The following EPHB2 variants were observed in gnomAD, a reference collection of about 807,000 sequenced individuals.
EPHB2 encodes the protein EPH receptor B2, also known as ephrin type-B receptor 2.
Under a neutral mutation model 96.4 loss-of-function variants are expected in EPHB2, and 18 were observed. The ratio of observed to expected loss-of-function variants is 0.19; its 90% CI spans 0.13 to 0.28. The LOEUF is 0.28. Ranked by LOEUF, EPHB2 falls within the 10% of genes least tolerant of loss-of-function variation. The pLI, the probability that EPHB2 is intolerant of heterozygous loss-of-function variation, is 1.00. For synonymous variants in EPHB2, 506 were observed against 534.1 expected (o/e 0.95, Z 0.72); for missense variants, 989 against 1,355.4 (o/e 0.73, Z 4.25).
chr1:22,904,966 T>G (rs1639862346), intron 9 of EPHB2, among the ~76,000 whole-genome samples: 1 of 152,172 alleles, frequency 6.6e-6, no homozygotes, highest in African/African-American at 2.4e-5. Flanking sequence ...CCTCCAAATT[T>G]GCAGCTCCCG....
intron 3 of EPHB2, among the ~76,000 whole-genome samples, chr1:22,836,250 G>A (rs113734150): frequency 7.9e-5 from 12 of 152,194 alleles, no homozygotes; most frequent in Non-Finnish European, 1.6e-4. Context: ...GCACCAGGGT[G>A]GGGGAGAGCC....
intron 1 of EPHB2, among the ~76,000 whole-genome samples, chr1:22,770,799 A>G (rs925948653): frequency 1.3e-5 from 2 of 152,056 alleles, no homozygotes; most frequent in East Asian, 1.9e-4. Flanking sequence ...GAATGGATAC[A>G]TATGTGAGAT....
chr1:22,729,603 C>T (rs1047412670), intron 1 of EPHB2, among the ~76,000 whole-genome samples: 1 of 152,210 alleles, frequency 6.6e-6, no homozygotes, highest in African/African-American at 2.4e-5. Flanking sequence ...AGGGCCTTTG[C>T]ACTGCTTGGT....
At chr1:22,720,895 G>C (rs1200039082) in intron 1 of EPHB2, among the ~76,000 whole-genome samples, 1 of 152,174 alleles carries the variant, frequency 6.6e-6, no homozygotes, top group Admixed American at 6.5e-5. Context: ...GGGGCCTTGG[G>C]CTGGTGGGAT....
At chr1:22,812,848 T>C (rs1194426547) in intron 3 of EPHB2, among the ~76,000 whole-genome samples, 1 of 152,110 alleles carries the variant, frequency 6.6e-6, no homozygotes. Flanking sequence ...TTGATGAGTG[T>C]TGGTAGAATG....
intron 8 of EPHB2, 67 bp from the exon 9 acceptor site, chr1:22,896,347 C>T: frequency 6.2e-7 from 1 of 1,608,610 alleles, no homozygotes; most frequent in Non-Finnish European, 8.5e-7. Context: ...CTCCCTATCA[C>T]CTACTGTGGC....
intron 6 of EPHB2, chr1:22,891,232 A>C (rs1639378309): frequency 8.8e-6 from 4 of 455,790 alleles, no homozygotes; most frequent in South Asian, 6.2e-5. Flanking sequence ...TTGTGATCTT[A>C]ACCTCCATGC....
chr1:22,819,019 T>C (rs1193690877), intron 3 of EPHB2, among the ~76,000 whole-genome samples: 1 of 147,368 alleles, frequency 6.8e-6, no homozygotes, highest in Admixed American at 6.8e-5. Context: ...ACTTCCTGGC[T>C]CACTGGGGGC....
At chr1:22,713,172 G>GC (rs1643200517) in intron 1 of EPHB2, among the ~76,000 whole-genome samples, 1 of 152,100 alleles carries the variant, frequency 6.6e-6, no homozygotes, top group Non-Finnish European at 1.5e-5. Flanking sequence ...GCTGCAGCAG[G>GC]CACCCCAATG....
chr1:22,874,215 C>A (rs1291615134), intron 5 of EPHB2, among the ~76,000 whole-genome samples: 1 of 152,224 alleles, frequency 6.6e-6, no homozygotes, highest in Non-Finnish European at 1.5e-5. Flanking sequence ...TGGGCCAAGT[C>A]CTGTGCTAAT....
At chr1:22,739,301 C>A (rs1392812299) in intron 1 of EPHB2, among the ~76,000 whole-genome samples, 1 of 152,084 alleles carries the variant, frequency 6.6e-6, no homozygotes, top group Non-Finnish European at 1.5e-5. Context: ...CTGCAACCTC[C>A]GCCTCCCAGG....
intron 6 of EPHB2, among the ~76,000 whole-genome samples, chr1:22,887,330 C>A (rs909521090): frequency 6.6e-6 from 1 of 152,144 alleles, no homozygotes; most frequent in East Asian, 1.9e-4. Context: ...AAGTCCACAG[C>A]CGGCTGTTAC....
intron 1 of EPHB2, among the ~76,000 whole-genome samples, chr1:22,750,378 T>C (rs561989777): frequency 2.0e-5 from 3 of 152,334 alleles, no homozygotes; most frequent in Admixed American, 6.5e-5. Flanking sequence ...CTTTGCTCTC[T>C]TCTCTTTCTG....
intron 1 of EPHB2, among the ~76,000 whole-genome samples, chr1:22,737,657 A>C (rs1383166186): frequency 6.6e-6 from 1 of 152,112 alleles, no homozygotes; most frequent in Non-Finnish European, 1.5e-5. Context: ...AGGTATGGCT[A>C]ATTTTGTCTA....
chr1:22,873,511 C>CAGAG (rs370862179), intron 5 of EPHB2, among the ~76,000 whole-genome samples: 4 of 151,162 alleles, frequency 2.6e-5, no homozygotes, highest in Admixed American at 2.0e-4. Context: ...AAGCGAGAGT[C>CAGAG]AGAGAGAGAG....
chr1:22,778,274 C>T (rs1055636108), intron 1 of EPHB2, among the ~76,000 whole-genome samples: 5 of 151,932 alleles, frequency 3.3e-5, no homozygotes, highest in Non-Finnish European at 7.4e-5. Flanking sequence ...GATCTCCCCC[C>T]CTCAAAAGGT....
chr1:22,882,261 TC>T, intron 5 of EPHB2, 97 bp from the exon 6 acceptor site: 1 of 1,576,534 alleles, frequency 6.3e-7, no homozygotes, highest in African/African-American at 1.3e-5. Context: ...CCCTCTCTGA[TC>T]CCACAGTGCC....
At chr1:22,835,114 C>T (rs1453435009) in intron 3 of EPHB2, among the ~76,000 whole-genome samples, 1 of 152,106 alleles carries the variant, frequency 6.6e-6, no homozygotes, top group African/African-American at 2.4e-5. Flanking sequence ...CACAGTGGCT[C>T]ACACCTGTAG....
chr1:22,796,918 A>T (rs935340472), intron 3 of EPHB2, among the ~76,000 whole-genome samples: 1 of 152,246 alleles, frequency 6.6e-6, no homozygotes, highest in Non-Finnish European at 1.5e-5. Context: ...AAGGTCACAC[A>T]GCTAATGGAC....
Sources: allele counts gnomAD v4.1 joint callset (sites outside exome capture counted in the v4.1 genomes callset), GRCh38; gene constraint gnomAD v4.1.1; transcripts MANE v1.5; gene names NCBI Gene and HGNC (gene_info 2026-07-23, HGNC 2026-07-21).